CCDC148: variants seen among roughly 807,000 people sequenced by gnomAD.
CCDC148 encodes coiled-coil domain containing 148, also known as coiled-coil domain-containing protein 148.
Under a neutral mutation model 85.7 loss-of-function variants are expected in CCDC148, and 89 were observed. The ratio of observed to expected loss-of-function variants is 1.04; its 90% CI spans 0.87 to 1.24. The LOEUF (loss-of-function observed/expected upper bound fraction) is 1.24, where lower values mean the gene tolerates loss of function less well. Ranked by LOEUF, CCDC148 falls within the 50% of genes most tolerant of loss-of-function variation. CCDC148 has a pLI of 0.00. For missense variants in CCDC148, 692 were observed against 671.7 expected (o/e 1.03, Z -0.33); for synonymous variants, 230 against 213.9 (o/e 1.08, Z -0.66).
chr2:158,255,250 T>C (rs1688964757), intron 9 of CCDC148, among the ~76,000 whole-genome samples: 1 of 151,362 alleles, frequency 6.6e-6, no homozygotes, highest in African/African-American at 2.4e-5. Context: ...GAATTTTACC[T>C]GAAGTCAATA....
At chr2:158,186,208 C>T (rs1482019967) in intron 11 of CCDC148, among the ~76,000 whole-genome samples, 1 of 152,046 alleles carries the variant, frequency 6.6e-6, no homozygotes, top group Non-Finnish European at 1.5e-5. Context: ...GGGTCAGTGT[C>T]CAATATTTAC....
intron 11 of CCDC148, among the ~76,000 whole-genome samples, chr2:158,179,589 G>C (rs1384931612): frequency 6.6e-6 from 1 of 152,014 alleles, no homozygotes; most frequent in Non-Finnish European, 1.5e-5. Context: ...GAGGTGACTG[G>C]CTCACTTTCA....
chr2:158,319,013 A>G (rs1013806643), intron 7 of CCDC148, among the ~76,000 whole-genome samples: 8 of 151,878 alleles, frequency 5.3e-5, no homozygotes, highest in Non-Finnish European at 7.4e-5. Context: ...CAATCCTCCC[A>G]CCTCGGCCTC....
At chr2:158,287,281 A>C (rs975732859) in intron 9 of CCDC148, among the ~76,000 whole-genome samples, 1 of 152,062 alleles carries the variant, frequency 6.6e-6, no homozygotes, top group Admixed American at 6.6e-5. Context: ...TCCCCTCCCA[A>C]ATCTCATATA....
chr2:158,289,529 T>G (rs4664948), intron 9 of CCDC148, among the ~76,000 whole-genome samples: 1 of 151,940 alleles, frequency 6.6e-6, no homozygotes, highest in Admixed American at 6.6e-5. Flanking sequence ...TACAATGAAA[T>G]ACCACAATAC....
chr2:158,231,738 T>C (rs1687866387), intron 10 of CCDC148, among the ~76,000 whole-genome samples: 3 of 152,188 alleles, frequency 2.0e-5, no homozygotes, highest in Admixed American at 6.6e-5. Context: ...GAGGGTATCA[T>C]TGATCACTCT....
At chr2:158,293,653 C>T (rs1475889187) in intron 9 of CCDC148, among the ~76,000 whole-genome samples, 1 of 152,036 alleles carries the variant, frequency 6.6e-6, no homozygotes, top group East Asian at 1.9e-4. Context: ...TATGGTTGGC[C>T]TTAGAGATAA....
intron 10 of CCDC148, among the ~76,000 whole-genome samples, chr2:158,238,991 A>G (rs1458367079): frequency 6.6e-6 from 1 of 152,144 alleles, no homozygotes; most frequent in African/African-American, 2.4e-5. Context: ...CTTTGGGGAA[A>G]TTACATAACC....
chr2:158,284,278 TA>T (rs199950000), intron 9 of CCDC148, among the ~76,000 whole-genome samples: 10,578 of 146,492 alleles, frequency 0.072, 423 homozygotes, highest in Non-Finnish European at 0.088. Flanking sequence ...AGTATAATAA[TA>T]AAAAAAAAAG....
Position 158,397,844 on chromosome 2 carries a change from TAA to T in CCDC148, c.26-39276_26-39275del, listed in dbSNP as rs1174517798. The stretch of plus-strand genomic sequence containing the variant: ...AAGAGACACAGACTAGCAAATTGGA[TAA>T]AGAGTCAAGACCCATCAGTGTGCTG... On this transcript the variant is annotated intron_variant, in intron 1 of 13. Transcript: ENST00000283233. Among the ~76,000 whole-genome samples the T allele has an allele frequency of 3.9e-5, 6 of 152,156 alleles. No individual in the cohort carries two copies. The South Asian group carries it at 1.0e-3, about 26-fold the overall frequency.
At chr2:158,173,720 A>G (rs1190520283) in intron 13 of CCDC148, among the ~76,000 whole-genome samples, 2 of 152,138 alleles carry the variant, frequency 1.3e-5, no homozygotes, top group Admixed American at 6.6e-5. Context: ...GAAGCAATAA[A>G]TATGAGCCTA....
At chr2:158,257,077 T>C (rs1301736425) in intron 9 of CCDC148, among the ~76,000 whole-genome samples, 2 of 151,542 alleles carry the variant, frequency 1.3e-5, no homozygotes, top group Non-Finnish European at 3.0e-5. Flanking sequence ...TGCATTGATC[T>C]TTAAAAAAAA....
At chr2:158,352,814 G>T (rs928155569) in intron 2 of CCDC148, among the ~76,000 whole-genome samples, 1 of 151,944 alleles carries the variant, frequency 6.6e-6, no homozygotes, top group African/African-American at 2.4e-5. Context: ...AAATGTTAAG[G>T]GCAGCCAGAG....
intron 1 of CCDC148, among the ~76,000 whole-genome samples, chr2:158,366,861 A>T (rs1312505711): frequency 3.3e-5 from 5 of 152,118 alleles, no homozygotes; most frequent in Admixed American, 6.6e-5. Context: ...TCACTTTTCA[A>T]AAGTTTGTGT....
intron 3 of CCDC148, among the ~76,000 whole-genome samples, chr2:158,342,390 A>G (rs762060256): frequency 3.9e-5 from 6 of 152,132 alleles, no homozygotes; most frequent in Non-Finnish European, 7.3e-5. Flanking sequence ...GTGATACCTC[A>G]CTGTCTATTT....
chr2:158,354,925 T>C (rs1175613936), intron 2 of CCDC148, among the ~76,000 whole-genome samples: 1 of 151,910 alleles, frequency 6.6e-6, no homozygotes, highest in Non-Finnish European at 1.5e-5. Flanking sequence ...TGGTTCAATA[T>C]ACGCAAATCA....
intron 7 of CCDC148, among the ~76,000 whole-genome samples, chr2:158,336,648 G>T (rs1682400360): frequency 6.6e-6 from 1 of 152,142 alleles, no homozygotes; most frequent in Admixed American, 6.6e-5. Context: ...GTGGCAAGCA[G>T]ACTATTAAAC....
chr2:158,230,891 T>C (rs561535705), intron 10 of CCDC148, among the ~76,000 whole-genome samples: 4 of 152,294 alleles, frequency 2.6e-5, no homozygotes, highest in South Asian at 4.1e-4. Context: ...CAGGAAAGAC[T>C]AATCAAGGAC....
chr2:158,412,313 T>G (rs1204133599), intron 1 of CCDC148, among the ~76,000 whole-genome samples: 1 of 152,106 alleles, frequency 6.6e-6, no homozygotes, highest in African/African-American at 2.4e-5. Context: ...ACTCTAAAGC[T>G]CTCCTAGAGC....
Sources: allele counts gnomAD v4.1 joint callset (sites outside exome capture counted in the v4.1 genomes callset), GRCh38; gene constraint gnomAD v4.1.1; transcripts MANE v1.5; gene names NCBI Gene and HGNC (gene_info 2026-07-23, HGNC 2026-07-21).